Variants in GMDS observed in about 807,000 individuals in gnomAD.
The protein encoded by GMDS is GDP-mannose 4,6 dehydratase.
GMDS carries 20 observed loss-of-function variants against 49.9 expected under a neutral mutation model. That is an observed-to-expected ratio of 0.40 (90% CI 0.28 to 0.58). The LOEUF is 0.58. Ranked by LOEUF, GMDS falls within the 20% of genes least tolerant of loss-of-function variation. The probability of loss-of-function intolerance (pLI) is 0.42; values close to 1 mark genes in which losing one functional copy is unlikely to be tolerated. For missense variants in GMDS, 362 were observed against 481.4 expected, an observed-to-expected ratio of 0.75 and a Z score of 2.32; for synonymous variants, 177 against 178.6, an observed-to-expected ratio of 0.99 and a Z score of 0.07.
chr6:1,700,779 G>A (rs935741660), intron 9 of GMDS, among the ~76,000 whole-genome samples: 1 of 152,090 alleles, frequency 6.6e-6, no homozygotes, highest in Non-Finnish European at 1.5e-5. Context: ...CCCAGCACTG[G>A]GACCTGAGGC....
At chr6:2,194,755 G>A (rs1049058587) in intron 1 of GMDS, among the ~76,000 whole-genome samples, 5 of 152,136 alleles carry the variant, frequency 3.3e-5, no homozygotes, top group African/African-American at 4.8e-5. Flanking sequence ...TTCAAATCAC[G>A]TCAGTTTCCT....
intron 4 of GMDS, among the ~76,000 whole-genome samples, chr6:2,094,150 A>G (rs1255697983): frequency 1.3e-5 from 2 of 152,254 alleles, no homozygotes; most frequent in East Asian, 3.8e-4. Context: ...TCTCTTCACA[A>G]GACTGTCCTG....
chr6:2,058,377 T>C (rs545515160), intron 4 of GMDS, among the ~76,000 whole-genome samples: 1 of 146,768 alleles, frequency 6.8e-6, no homozygotes, highest in South Asian at 2.1e-4. Context: ...AGTTAATGCA[T>C]TAGAAGGAGG....
At chr6:1,756,217 T>C (rs1478138754) in intron 7 of GMDS, among the ~76,000 whole-genome samples, 1 of 150,980 alleles carries the variant, frequency 6.6e-6, no homozygotes, top group Non-Finnish European at 1.5e-5. Context: ...TGTCTGCTGA[T>C]GCTTAATAAG....
Position 2,094,918 on chromosome 6 carries a change from G to A in GMDS, c.345+20853C>T, listed in dbSNP as rs952205668. ...ACATTTCTTGATGTGTTAAACCAAC[G>A]GAGGCACAGTATGGGAAGCACAACT... On this transcript the variant is annotated intron_variant, in intron 4 of 10. Transcript: ENST00000380815. Among the ~76,000 whole-genome samples the A allele has an allele frequency of 1.1e-4, 16 of 152,216 alleles. No individual in the cohort carries two copies. In the East Asian group the frequency reaches 3.1e-3, roughly 29 times the overall value.
chr6:1,989,914 C>T (rs1258234063), intron 4 of GMDS, among the ~76,000 whole-genome samples: 1 of 152,228 alleles, frequency 6.6e-6, no homozygotes, highest in African/African-American at 2.4e-5. Flanking sequence ...CCTTTTAGTA[C>T]TTTGGTTTCT....
chr6:2,106,632 GCAGGTGGATCACCTGAGGT>G (rs1774258056), intron 4 of GMDS, among the ~76,000 whole-genome samples: 1 of 152,142 alleles, frequency 6.6e-6, no homozygotes. Flanking sequence ...GGAGGCCAAG[GCAGGTGGATCACCTGAGGT>G]CAGGAGATGG....
chr6:2,237,518 CT>C (rs397885506), intron 1 of GMDS, among the ~76,000 whole-genome samples: 5,722 of 125,824 alleles, frequency 0.045, 237 homozygotes, highest in African/African-American at 0.15. Flanking sequence ...TTGGAAGTAC[CT>C]TTTTTTTTTT....
chr6:2,177,181 G>C (rs1045328251), intron 1 of GMDS, among the ~76,000 whole-genome samples: 2 of 150,992 alleles, frequency 1.3e-5, no homozygotes, highest in Non-Finnish European at 3.0e-5. Flanking sequence ...AGGGATGAAG[G>C]TACTTCACCT....
At chr6:1,629,773 C>T (rs548105790) in intron 9 of GMDS, among the ~76,000 whole-genome samples, 8 of 152,190 alleles carry the variant, frequency 5.3e-5, no homozygotes, top group African/African-American at 7.2e-5. Flanking sequence ...CCCCTCTCGC[C>T]GATCCCACTT....
chr6:1,857,002 T>C (rs1430060205), intron 7 of GMDS, among the ~76,000 whole-genome samples: 1 of 152,226 alleles, frequency 6.6e-6, no homozygotes, highest in Non-Finnish European at 1.5e-5. Context: ...AGTCCCAGAA[T>C]GCATAGAGTT....
At chr6:2,226,810 T>C (rs943177145) in intron 1 of GMDS, among the ~76,000 whole-genome samples, 6 of 152,208 alleles carry the variant, frequency 3.9e-5, no homozygotes, top group African/African-American at 1.4e-4. Context: ...GCTGGTTAAC[T>C]AACAAGATCT....
chr6:2,092,453 T>C (rs1417633561), intron 4 of GMDS, among the ~76,000 whole-genome samples: 1 of 152,238 alleles, frequency 6.6e-6, no homozygotes, highest in Admixed American at 6.5e-5. Context: ...TGTTTTCTAT[T>C]ACAGTATATA....
chr6:2,219,320 A>T (rs1780477630), intron 1 of GMDS, among the ~76,000 whole-genome samples: 1 of 152,206 alleles, frequency 6.6e-6, no homozygotes, highest in Admixed American at 6.5e-5. Context: ...CTTGAGTCCT[A>T]CAGAACCAGT....
At chr6:1,930,428 T>C in intron 6 of GMDS, 198 bp from the exon 7 acceptor site, 1 of 468,464 alleles carries the variant, frequency 2.1e-6, no homozygotes, top group Non-Finnish European at 3.7e-6. Flanking sequence ...CCTAATTCCA[T>C]GTGTCACATC....
chr6:1,893,766 G>A (rs896560313), intron 7 of GMDS, among the ~76,000 whole-genome samples: 5 of 152,230 alleles, frequency 3.3e-5, no homozygotes, highest in Non-Finnish European at 4.4e-5. Context: ...TTCAGAGGGG[G>A]TGGAGGTGAA....
intron 4 of GMDS, among the ~76,000 whole-genome samples, chr6:2,110,819 G>T (rs1744153843): frequency 6.6e-6 from 1 of 152,104 alleles, no homozygotes; most frequent in Non-Finnish European, 1.5e-5. Flanking sequence ...GAAAGTATGG[G>T]TTATTCAATC....
chr6:2,005,044 A>C (rs1049578279), intron 4 of GMDS, among the ~76,000 whole-genome samples: 1 of 152,164 alleles, frequency 6.6e-6, no homozygotes, highest in Non-Finnish European at 1.5e-5. Flanking sequence ...CAAGTACTTA[A>C]GAAGTACTTA....
At chr6:2,189,662 G>A (rs1218395893) in intron 1 of GMDS, among the ~76,000 whole-genome samples, 1 of 152,170 alleles carries the variant, frequency 6.6e-6, no homozygotes, top group Non-Finnish European at 1.5e-5. Context: ...ATTTTTCTGG[G>A]GGAAGGGACA....
Sources: allele counts gnomAD v4.1 joint callset (sites outside exome capture counted in the v4.1 genomes callset), GRCh38; gene constraint gnomAD v4.1.1; transcripts MANE v1.5; gene names NCBI Gene and HGNC (gene_info 2026-07-23, HGNC 2026-07-21).